The following FAM117B variants were observed in gnomAD, a reference collection of about 807,000 sequenced individuals.
FAM117B encodes the protein protein FAM117B.
FAM117B carries 22 observed loss-of-function variants against 52.8 expected under a neutral mutation model. The observed-to-expected ratio is 0.42, with a 90% CI of 0.30 to 0.59. The LOEUF (loss-of-function observed/expected upper bound fraction) is 0.59, where lower values mean the gene tolerates loss of function less well. Ranked by LOEUF, FAM117B falls within the 20% of genes least tolerant of loss-of-function variation. The pLI, the probability that FAM117B is intolerant of heterozygous loss-of-function variation, is 0.22. For synonymous variants in FAM117B, 309 were observed against 324.1 expected, an observed-to-expected ratio of 0.95 and a Z score of 0.50; for missense variants, 678 against 802.6, an observed-to-expected ratio of 0.84 and a Z score of 1.88.
intron 2 of FAM117B, among the ~76,000 whole-genome samples, chr2:202,719,541 C>T (rs1691116662): frequency 6.6e-6 from 1 of 152,074 alleles, no homozygotes; most frequent in Non-Finnish European, 1.5e-5. Flanking sequence ...ATTTGCTAAT[C>T]GTTAGTAAGT....
intron 4 of FAM117B, among the ~76,000 whole-genome samples, chr2:202,735,586 GT>G (rs1209070009): frequency 1.3e-5 from 2 of 152,006 alleles, no homozygotes; most frequent in African/African-American, 4.8e-5. Context: ...CATTTCAAAG[GT>G]TTCCCCAAAT....
rs560218447 is a variant in FAM117B, at chr2:202,661,070, C to G, written c.601+25282C>G. Reference sequence around the variant, plus strand: ...GTGCAGTTCTAAGATTTGGGATGCCCTTGAATCTAATCCAGGACATATGGG... The same window carrying G: ...GTGCAGTTCTAAGATTTGGGATGCCGTTGAATCTAATCCAGGACATATGGG... On this transcript the variant is annotated intron_variant, in intron 1 of 7. Coordinates refer to ENST00000392238, the MANE Select transcript of FAM117B (RefSeq NM_173511.4). Among the ~76,000 whole-genome samples the G allele has an allele frequency of 3.3e-5, 5 of 152,316 alleles. No individual in the cohort carries two copies. The South Asian group carries it at 1.0e-3, about 32-fold the overall frequency.
intron 1 of FAM117B, among the ~76,000 whole-genome samples, chr2:202,654,955 G>GA (rs1218289033): frequency 6.6e-6 from 1 of 151,364 alleles, no homozygotes; most frequent in African/African-American, 2.4e-5. Context: ...ATTCTCTTTA[G>GA]AAAAAATGTG....
chr2:202,650,858 C>T (rs1056876254), intron 1 of FAM117B, among the ~76,000 whole-genome samples: 6 of 152,140 alleles, frequency 3.9e-5, no homozygotes, highest in Admixed American at 6.6e-5. Flanking sequence ...GCACTGGCAG[C>T]TGATTAGATG....
intron 2 of FAM117B, among the ~76,000 whole-genome samples, chr2:202,706,753 A>G (rs537157015): frequency 2.0e-5 from 3 of 152,356 alleles, no homozygotes; most frequent in African/African-American, 7.2e-5. Flanking sequence ...GTTTTGAATA[A>G]AACCTTGGTC....
intron 2 of FAM117B, among the ~76,000 whole-genome samples, chr2:202,724,427 A>T (rs1691205015): frequency 6.6e-6 from 1 of 152,196 alleles, no homozygotes; most frequent in African/African-American, 2.4e-5. Context: ...CAAGCTCTGG[A>T]GTCTCAGGTT....
At chr2:202,693,859 T>A (rs1443886567) in intron 1 of FAM117B, among the ~76,000 whole-genome samples, 2 of 152,208 alleles carry the variant, frequency 1.3e-5, no homozygotes, top group Admixed American at 6.5e-5. Context: ...AATTCATTGT[T>A]ATGTGCTCTT....
rs1371719386 is a variant in FAM117B, at chr2:202,640,340, A to ATATATATG, written c.601+4555_601+4556insATATGTAT. 3.1e-3 allele frequency among the ~76,000 whole-genome samples: 331 copies of ATATATATG among 105,704 alleles called. 34 individuals carry two copies. The highest frequency in any genetic ancestry group is 0.014 in the African/African-American group (321 of 23,078). 69.3% of individuals were successfully genotyped at this position (105,704 alleles called of 152,430 possible). The stretch of plus-strand genomic sequence containing the variant: ...TATATATATATATATATATATATAT[A>ATATATATG]TATGGCAAGTCGTGTTCTTGCTAGT... On this transcript the variant is annotated intron_variant, in intron 1 of 7. Coordinates refer to ENST00000392238, the MANE Select transcript of FAM117B (RefSeq NM_173511.4).
At chr2:202,664,459 A>G (rs1039040525) in intron 1 of FAM117B, among the ~76,000 whole-genome samples, 3 of 152,352 alleles carry the variant, frequency 2.0e-5, no homozygotes, top group Non-Finnish European at 2.9e-5. Context: ...GAATGAGACA[A>G]CTGAGGCATT....
At chr2:202,659,420 C>A (rs912091512) in intron 1 of FAM117B, among the ~76,000 whole-genome samples, 11 of 151,920 alleles carry the variant, frequency 7.2e-5, no homozygotes, top group Non-Finnish European at 1.0e-4. Context: ...GGCGATCCTC[C>A]TACCTCATTC....
At chr2:202,726,431 T>C (rs1028624095) in intron 4 of FAM117B, 68 bp downstream of exon 4, 11 of 1,195,300 alleles carry the variant, frequency 9.2e-6, no homozygotes, top group African/African-American at 1.5e-5. Context: ...TGTTATTTCA[T>C]TGGTAATTGT....
chr2:202,757,781 C>T (rs1271147344), intron 6 of FAM117B, among the ~76,000 whole-genome samples: 2 of 152,154 alleles, frequency 1.3e-5, no homozygotes, highest in African/African-American at 2.4e-5. Context: ...GATTTTATTA[C>T]CTTAATGCTT....
intron 1 of FAM117B, among the ~76,000 whole-genome samples, chr2:202,640,162 C>T (rs1262688869): frequency 1.3e-5 from 2 of 150,080 alleles, no homozygotes; most frequent in South Asian, 2.1e-4. Flanking sequence ...TCCCAGCTAC[C>T]GGGGAGGCAG....
intron 6 of FAM117B, 94 bp downstream of exon 6, chr2:202,757,532 C>A: frequency 7.9e-7 from 1 of 1,271,574 alleles, no homozygotes; most frequent in Non-Finnish European, 1.1e-6. Flanking sequence ...CACACACACT[C>A]GAGGCTACTC....
At chr2:202,744,257 C>G (rs777239782) in intron 4 of FAM117B, among the ~76,000 whole-genome samples, 1 of 152,168 alleles carries the variant, frequency 6.6e-6, no homozygotes, top group Non-Finnish European at 1.5e-5. Context: ...TCCAGAACCT[C>G]AGACTGCATC....
intron 1 of FAM117B, among the ~76,000 whole-genome samples, chr2:202,649,470 A>G (rs1689923979): frequency 6.6e-6 from 1 of 152,232 alleles, no homozygotes; most frequent in Admixed American, 6.5e-5. Context: ...CCTTTGTGAT[A>G]TAATTGTCAA....
chr2:202,723,161 A>C (rs1691179677), intron 2 of FAM117B, among the ~76,000 whole-genome samples: 1 of 152,188 alleles, frequency 6.6e-6, no homozygotes, highest in Non-Finnish European at 1.5e-5. Flanking sequence ...GATCCTTGTC[A>C]GAATGGAGTC....
intron 1 of FAM117B, among the ~76,000 whole-genome samples, chr2:202,691,690 TGTGTGTGTGC>T (rs1436515441): frequency 1.5e-3 from 213 of 146,274 alleles, no homozygotes; most frequent in African/African-American, 5.3e-3. Context: ...TGTGTGTGTG[TGTGTGTGTGC>T]GCGCGCGCCT....
chr2:202,692,725 A>C (rs530718169), intron 1 of FAM117B, among the ~76,000 whole-genome samples: 12 of 152,344 alleles, frequency 7.9e-5, no homozygotes, highest in African/African-American at 2.6e-4. Flanking sequence ...CCCAGACAAG[A>C]GATGCACATG....
Sources: allele counts gnomAD v4.1 joint callset (sites outside exome capture counted in the v4.1 genomes callset), GRCh38; gene constraint gnomAD v4.1.1; transcripts MANE v1.5; gene names NCBI Gene and HGNC (gene_info 2026-07-23, HGNC 2026-07-21).